GXYLT1: variants seen among roughly 807,000 people sequenced by gnomAD.
GXYLT1 encodes the protein glycosyltransferase 8 domain containing 3.
GXYLT1 carries 29 observed loss-of-function variants against 54.0 expected under a neutral mutation model. The ratio of observed to expected loss-of-function variants is 0.54; its 90% CI spans 0.40 to 0.73. The LOEUF (loss-of-function observed/expected upper bound fraction) is 0.73, where lower values mean the gene tolerates loss of function less well. Ranked by LOEUF, GXYLT1 falls within the 30% of genes least tolerant of loss-of-function variation. GXYLT1 has a pLI of 0.00. For missense variants in GXYLT1, 490 were observed against 553.4 expected, an observed-to-expected ratio of 0.89 and a Z score of 1.15; for synonymous variants, 176 against 204.1, an observed-to-expected ratio of 0.86 and a Z score of 1.17.
rs137987970 is a variant in GXYLT1 at position 42,091,361 on chromosome 12, T to C, written c.1162-3414A>G. ...TCGTATTTTTAAAGGTACACACTTA[T>C]AAACCAAAGAAAAGATCAAATAAAA... On this transcript the variant is annotated intron_variant, in intron 7 of 7. Coordinates refer to ENST00000398675, the MANE Select transcript of GXYLT1 (RefSeq NM_173601.2). Among the ~76,000 whole-genome samples the C allele has an allele frequency of 7.9e-5, 12 of 152,252 alleles. No homozygotes were observed. In the East Asian group the frequency reaches 1.3e-3, roughly 17 times the overall value.
At chr12:42,125,152 G>A (rs953947952) in intron 2 of GXYLT1, among the ~76,000 whole-genome samples, 1 of 152,186 alleles carries the variant, frequency 6.6e-6, no homozygotes, top group Non-Finnish European at 1.5e-5. Context: ...GAGTACAACG[G>A]TTAAGGGAGA....
chr12:42,121,266 A>G lies in GXYLT1; in HGVS notation c.315-2095T>C, dbSNP rs556695263. 2.4e-4 allele frequency among the ~76,000 whole-genome samples: 36 copies of G among 152,386 alleles called. No homozygotes were observed. In the South Asian group the frequency reaches 7.5e-3, roughly 32 times the overall value. On this transcript the variant is annotated intron_variant, in intron 2 of 7. Coordinates refer to ENST00000398675, the MANE Select transcript of GXYLT1 (RefSeq NM_173601.2). ...CAAGAGAAGATTTTAAAAGTAAGGCATAATAGTCATATGCTGTTTTGTAGA... is the reference window on the plus strand; with the variant it reads ...CAAGAGAAGATTTTAAAAGTAAGGCGTAATAGTCATATGCTGTTTTGTAGA...
chr12:42,135,127 A>C (rs553968321), intron 1 of GXYLT1, among the ~76,000 whole-genome samples: 2 of 152,234 alleles, frequency 1.3e-5, no homozygotes, highest in Admixed American at 1.3e-4. Flanking sequence ...ATAAAAAGAC[A>C]TGATACTGTG....
intron 7 of GXYLT1, among the ~76,000 whole-genome samples, chr12:42,089,063 C>G: frequency 6.6e-6 from 1 of 151,764 alleles, no homozygotes. Flanking sequence ...TGCATAAAAC[C>G]ATCACCCTTG....
chr12:42,133,065 T>C (rs1259021454), intron 1 of GXYLT1, among the ~76,000 whole-genome samples: 2 of 152,034 alleles, frequency 1.3e-5, no homozygotes, highest in Non-Finnish European at 2.9e-5. Context: ...GGCGGATCAC[T>C]TGAGGTCAGG....
At chr12:42,110,888 T>C (rs1236663520) in intron 3 of GXYLT1, among the ~76,000 whole-genome samples, 1 of 152,230 alleles carries the variant, frequency 6.6e-6, no homozygotes, top group Non-Finnish European at 1.5e-5. Context: ...TTGATATTCT[T>C]TCATCAAAAG....
intron 5 of GXYLT1, among the ~76,000 whole-genome samples, chr12:42,101,290 C>T (rs2065388573): frequency 1.3e-5 from 2 of 151,950 alleles, no homozygotes; most frequent in African/African-American, 4.8e-5. Flanking sequence ...ACAGAAATGG[C>T]TACAAATTAT....
chr12:42,122,948 T>C (rs2065539564), intron 2 of GXYLT1, among the ~76,000 whole-genome samples: 1 of 152,086 alleles, frequency 6.6e-6, no homozygotes, highest in African/African-American at 2.4e-5. Context: ...AAGAACACAA[T>C]ATCCCATGCA....
intron 2 of GXYLT1, among the ~76,000 whole-genome samples, chr12:42,125,474 A>G (rs988611341): frequency 6.6e-5 from 10 of 152,240 alleles, no homozygotes; most frequent in Admixed American, 3.3e-4. Context: ...GCAGAGTCCT[A>G]AGAAATGCAG....
chr12:42,141,126 G>A (rs1241534486), intron 1 of GXYLT1, among the ~76,000 whole-genome samples: 1 of 152,174 alleles, frequency 6.6e-6, no homozygotes, highest in Non-Finnish European at 1.5e-5. Flanking sequence ...GTGACACAGA[G>A]TCAACAAATC....
Position 42,109,683 on chromosome 12 carries a change from G to T in GXYLT1, c.495C>A (p.Asn165Lys). ...LHHSFKGRLD[N>K]WSFLQTFNYT... ...AATTAAATGTTTGTAGAAATGACCA[G>T]TTGTCAAGCTAAAACAATTTAAAAA... is the stretch of plus-strand genomic sequence containing the variant. The change falls in exon 4 of 8, where the codon AAC becomes AAA. Residue 165 changes from asparagine (N) to lysine (K), a missense_variant. By Grantham distance (94) the Asn-to-Lys change is moderately conservative (BLOSUM62 0). Transcript: ENST00000398675. The T allele has an allele frequency of 6.6e-7, 1 of 1,513,958 alleles. No homozygotes were observed. Among genetic ancestry groups the T allele is most frequent in the Non-Finnish European group, 9.0e-7 (1 of 1,112,940 alleles). The allele number at this position is 1,513,958 out of a possible 1,614,324, so 93.8% of individuals were successfully genotyped here.
rs149529408 is a variant in GXYLT1 at position 42,088,230 on chromosome 12, G to A, written c.1162-283C>T. Among the ~76,000 whole-genome samples, 948 of 152,114 alleles carry A rather than the reference G, an allele frequency of 6.2e-3. 6 individuals are homozygous for A. The highest frequency in any genetic ancestry group is 0.011 in the Non-Finnish European group (717 of 67,990). On this transcript the variant is annotated intron_variant, in intron 7 of 7. Coordinates refer to ENST00000398675, the MANE Select transcript of GXYLT1 (RefSeq NM_173601.2). ...TTAAGAAGACAACCAAAAGCCCTAC[G>A]AGTATCTCGGTGAAACTAATAAAAG... is the stretch of plus-strand genomic sequence containing the variant.
chr12:42,142,598 C>A (rs945097357), intron 1 of GXYLT1, among the ~76,000 whole-genome samples: 1 of 152,182 alleles, frequency 6.6e-6, no homozygotes, highest in South Asian at 2.1e-4. Context: ...CCCCACTCAG[C>A]CTCCCCAAAT....
intron 7 of GXYLT1, among the ~76,000 whole-genome samples, chr12:42,096,404 A>C (rs2065355826): frequency 6.6e-6 from 1 of 152,224 alleles, no homozygotes; most frequent in Non-Finnish European, 1.5e-5. Flanking sequence ...TCAAAGGGAC[A>C]CAAGAAGTAG....
rs1333763646 is a variant in GXYLT1, at chr12:42,118,920, AG to A, written c.486+79del. On this transcript the variant is annotated intron_variant, in intron 3 of 7. Transcript: ENST00000398675. ...GGTAGTTATTTCTAGCAATGTGAAC[AG>A]ACTATTACAACAACATTCTATTATA... 7.6e-6 allele frequency: 8 copies of A among 1,049,716 alleles called. No individual in the cohort carries two copies. The Admixed American group carries it at 1.6e-4, about 22-fold the overall frequency. 65.0% of individuals were successfully genotyped at this position (1,049,716 alleles called of 1,614,324 possible). A position where few individuals can be genotyped will look rare whatever the true frequency, so the allele number is the denominator to read the frequency against.
chr12:42,139,416 G>A (rs558661590), intron 1 of GXYLT1, among the ~76,000 whole-genome samples: 1 of 152,154 alleles, frequency 6.6e-6, no homozygotes, highest in South Asian at 2.1e-4. Flanking sequence ...TAGGAGGTAG[G>A]GCCTTTTGGT....
chr12:42,109,634 G>T lies in GXYLT1; in HGVS notation c.544C>A (p.Pro182Thr), dbSNP rs1243771577. 1 of 1,590,828 alleles carries T rather than the reference G, an allele frequency of 6.3e-7. No individual in the cohort carries two copies. The highest frequency in any genetic ancestry group is 8.6e-7 in the Non-Finnish European group (1 of 1,165,790). The change falls in exon 4 of 8, where the codon CCA (proline) becomes ACA (threonine). Residue 182 changes from proline to threonine, a missense_variant. Pro to Thr is a conservative substitution (Grantham distance 38). Coordinates refer to ENST00000398675, the MANE Select transcript of GXYLT1 (RefSeq NM_173601.2). ...TTCCACTCTGCTGCATTCTCACTTGGAAAGGTTATGGGGTATAACGTATAA... is the reference window on the plus strand; with the variant it reads ...TTCCACTCTGCTGCATTCTCACTTGTAAAGGTTATGGGGTATAACGTATAA... ...FNYTLYPITF[P>T]SENAAEWKKL...
chr12:42,112,661 CTGAT>C (rs1263163173), intron 3 of GXYLT1, among the ~76,000 whole-genome samples: 1 of 152,264 alleles, frequency 6.6e-6, no homozygotes, highest in East Asian at 1.9e-4. Flanking sequence ...AAATCTACGT[CTGAT>C]TGGTGTACCT....
chr12:42,119,526 T>G (rs987097524), intron 2 of GXYLT1, among the ~76,000 whole-genome samples: 1 of 151,858 alleles, frequency 6.6e-6, no homozygotes, highest in Admixed American at 6.6e-5. Context: ...AATTTTTATT[T>G]ATAAAACAAA....
Sources: allele counts gnomAD v4.1 joint callset (sites outside exome capture counted in the v4.1 genomes callset), GRCh38; gene constraint gnomAD v4.1.1; transcripts MANE v1.5; gene names NCBI Gene and HGNC (gene_info 2026-07-23, HGNC 2026-07-21).